Variants in BMPR1B observed in about 807,000 individuals in gnomAD.
BMPR1B encodes bone morphogenetic protein receptor type 1B.
BMPR1B carries 12 observed loss-of-function variants against 59.1 expected under a neutral mutation model. The observed-to-expected ratio is 0.20, with a 90% CI of 0.13 to 0.33. BMPR1B has a LOEUF of 0.33. Ranked by LOEUF, BMPR1B falls within the 10% of genes least tolerant of loss-of-function variation. The probability of loss-of-function intolerance (pLI) is 1.00; values close to 1 mark genes in which losing one functional copy is unlikely to be tolerated. For missense variants in BMPR1B, 550 were observed against 610.9 expected (o/e 0.90, Z 1.05); for synonymous variants, 237 against 207.3 (o/e 1.14, Z -1.23).
chr4:94,958,991 A>C (rs1730259609), intron 2 of BMPR1B, among the ~76,000 whole-genome samples: 1 of 152,120 alleles, frequency 6.6e-6, no homozygotes, highest in Non-Finnish European at 1.5e-5. Flanking sequence ...AAACACGAGG[A>C]AGCTGATTTG....
intron 3 of BMPR1B, chr4:94,996,472 G>A (rs1189577477): frequency 6.6e-6 from 1 of 152,166 alleles, no homozygotes; most frequent in Non-Finnish European, 1.5e-5. Flanking sequence ...TAAAACATTA[G>A]TGTCAGTTAA....
chr4:94,767,311 T>C (rs1480657406), intron 1 of BMPR1B, among the ~76,000 whole-genome samples: 6 of 152,242 alleles, frequency 3.9e-5, no homozygotes, highest in Non-Finnish European at 7.3e-5. Flanking sequence ...TGTACTAATA[T>C]GTAGGAACAA....
chr4:94,902,046 GGTGTGT>G (rs34068392), intron 2 of BMPR1B, among the ~76,000 whole-genome samples: 1,311 of 119,214 alleles, frequency 0.011, 17 homozygotes, highest in African/African-American at 0.04. Context: ...CAGACTGCAT[GGTGTGT>G]GTGTGTGTGT....
intron 3 of BMPR1B, among the ~76,000 whole-genome samples, chr4:95,010,378 G>A (rs116775352): frequency 0.015 from 2,220 of 152,170 alleles, 24 homozygotes; most frequent in South Asian, 0.023. Flanking sequence ...ACACCCTTCT[G>A]GTTTAGTGAA....
At chr4:94,957,994 A>G (rs12513378) in intron 2 of BMPR1B, among the ~76,000 whole-genome samples, 76,073 of 151,930 alleles carry the variant, frequency 0.5, 19,431 homozygotes, top group South Asian at 0.6. Flanking sequence ...TCTTAAAAAT[A>G]TATGGAATAA....
At position 95,109,468 on chromosome 4, in the gene BMPR1B, A is replaced by G. The variant is rs561334685; in HGVS notation, c.143+4901A>G. On this transcript the variant is annotated intron_variant, in intron 4 of 12. Transcript: ENST00000515059. Reference sequence around the variant, plus strand: ...TGAGTGTGGTGGTATGTTTTCAAACAGGTGCTCCTGACCGTAGGTCTCAGA... The same window carrying G: ...TGAGTGTGGTGGTATGTTTTCAAACGGGTGCTCCTGACCGTAGGTCTCAGA... 1.9e-4 allele frequency among the ~76,000 whole-genome samples: 29 copies of G among 152,228 alleles called. No homozygotes were observed. In the South Asian group the frequency reaches 6.0e-3, roughly 32 times the overall value.
At chr4:94,978,937 A>G (rs772295178) in intron 2 of BMPR1B, among the ~76,000 whole-genome samples, 6 of 136,392 alleles carry the variant, frequency 4.4e-5, no homozygotes, top group Non-Finnish European at 9.3e-5. Context: ...GCAAGACACC[A>G]TCACACATAC....
intron 6 of BMPR1B, among the ~76,000 whole-genome samples, chr4:95,119,594 CT>C (rs1317954651): frequency 2.6e-5 from 4 of 152,126 alleles, no homozygotes; most frequent in Non-Finnish European, 5.9e-5. Context: ...CCCTGAATGA[CT>C]TTTTACAAGT....
At chr4:94,758,890 C>T (rs1296092032) in intron 1 of BMPR1B, among the ~76,000 whole-genome samples, 2 of 150,734 alleles carry the variant, frequency 1.3e-5, no homozygotes, top group Admixed American at 1.3e-4. Context: ...GTCCCTTCAT[C>T]CTCTTCCCTC....
Position 94,978,582 on chromosome 4 carries a change from T to G in BMPR1B, c.-112-17458T>G, listed in dbSNP as rs115348251. On this transcript the variant is annotated intron_variant, in intron 2 of 12. Coordinates refer to ENST00000515059, the MANE Select transcript of BMPR1B (RefSeq NM_001203.3). ...TTGAATGAAATTTTATGACCTGCCT[T>G]TCACACACCAAACATTTATTGGTGG... 1.7e-3 allele frequency among the ~76,000 whole-genome samples: 255 copies of G among 152,328 alleles called. 1 individual carries two copies. The highest frequency in any genetic ancestry group is 5.8e-3 in the African/African-American group (243 of 41,554).
At chr4:95,108,431 A>T (rs962833785) in intron 4 of BMPR1B, among the ~76,000 whole-genome samples, 1 of 152,102 alleles carries the variant, frequency 6.6e-6, no homozygotes, top group Non-Finnish European at 1.5e-5. Flanking sequence ...TTTCATGTTC[A>T]TTATCACTTC....
intron 1 of BMPR1B, among the ~76,000 whole-genome samples, chr4:94,786,614 C>T (rs1722773127): frequency 6.6e-6 from 1 of 152,210 alleles, no homozygotes; most frequent in Non-Finnish European, 1.5e-5. Context: ...TCTCAGCTCA[C>T]TGCAAGCTCC....
intron 3 of BMPR1B, among the ~76,000 whole-genome samples, chr4:95,006,892 T>A (rs1722882129): frequency 6.6e-6 from 1 of 152,096 alleles, no homozygotes; most frequent in South Asian, 2.1e-4. Context: ...TCTTTTAAAA[T>A]AAGTAATTTT....
At chr4:95,040,367 T>C (rs952138457) in intron 3 of BMPR1B, among the ~76,000 whole-genome samples, 3 of 152,216 alleles carry the variant, frequency 2.0e-5, no homozygotes, top group Admixed American at 2.0e-4. Context: ...TATTTAAAAT[T>C]TCATTTTCAA....
At chr4:95,041,948 G>T (rs1169787280) in intron 3 of BMPR1B, among the ~76,000 whole-genome samples, 6 of 151,922 alleles carry the variant, frequency 3.9e-5, no homozygotes, top group Non-Finnish European at 8.8e-5. Context: ...TCCACCTCCC[G>T]GAGCTTCATG....
At chr4:94,838,879 T>G (rs1724929791) in intron 1 of BMPR1B, among the ~76,000 whole-genome samples, 1 of 141,066 alleles carries the variant, frequency 7.1e-6, no homozygotes, top group South Asian at 2.3e-4. Flanking sequence ...TCTTTCCTGC[T>G]TTCTCTTGTG....
chr4:95,134,907 T>G (rs1196441643), intron 10 of BMPR1B, among the ~76,000 whole-genome samples: 2 of 152,226 alleles, frequency 1.3e-5, no homozygotes, highest in Non-Finnish European at 2.9e-5. Flanking sequence ...TGCCATTGCT[T>G]TTGGTGTTTT....
At chr4:95,127,311 C>G (rs1732977968) in intron 8 of BMPR1B, among the ~76,000 whole-genome samples, 1 of 151,852 alleles carries the variant, frequency 6.6e-6, no homozygotes, top group Admixed American at 6.6e-5. Flanking sequence ...CAAATAAAAA[C>G]TAAAATAAAT....
chr4:95,022,904 A>C (rs1280103003), intron 3 of BMPR1B, among the ~76,000 whole-genome samples: 1 of 152,200 alleles, frequency 6.6e-6, no homozygotes, highest in East Asian at 1.9e-4. Flanking sequence ...GTTGTAAGAA[A>C]GACTGTGCTG....
Sources: gnomAD v4.1 joint callset for allele counts (sites outside exome capture counted in the v4.1 genomes callset) on GRCh38, gnomAD v4.1.1 for gene constraint, MANE v1.5 for transcripts, NCBI Gene and HGNC (gene_info 2026-07-23, HGNC 2026-07-21) for gene names.